The following SLC2A12 variants were observed in gnomAD, a reference collection of about 807,000 sequenced individuals.
SLC2A12 encodes the protein solute carrier family 2, facilitated glucose transporter member 12.
Under a neutral mutation model 41.8 loss-of-function variants are expected in SLC2A12, and 23 were observed. The ratio of observed to expected loss-of-function variants is 0.55; its 90% confidence interval spans 0.40 to 0.78. SLC2A12 has a LOEUF of 0.78. SLC2A12 is among the 30% of genes least tolerant of loss of function. The pLI is 0.00. For missense variants in SLC2A12, 654 were observed against 745.6 expected (o/e 0.88, Z 1.43); for synonymous variants, 295 against 285.9 (o/e 1.03, Z -0.32).
At chr6:134,031,076 T>C (rs1777198556) in intron 1 of SLC2A12, among the ~76,000 whole-genome samples, 1 of 152,052 alleles carries the variant, frequency 6.6e-6, no homozygotes, top group Non-Finnish European at 1.5e-5. Context: ...ATTCAAGACT[T>C]ATTTTGGAGC....
chr6:133,995,980 C>A (rs929097324), intron 4 of SLC2A12, among the ~76,000 whole-genome samples: 2 of 152,186 alleles, frequency 1.3e-5, no homozygotes, highest in Non-Finnish European at 2.9e-5. Flanking sequence ...CAGGTTTTAT[C>A]TTAAATGTTA....
In SLC2A12 at chr6:134,002,025, C is replaced by A; in HGVS notation, c.1672G>T (p.Glu558Ter). 6.2e-7 allele frequency: 1 copy of A among 1,608,042 alleles called. No individual in the cohort carries two copies. ...FIPETKGCSL[E>*]QISMELAKVN... ...TTTGCTAGCTCCATTGATATTTGTT[C>A]CAAAGAGCATCCCTTTGTCTCAGGT... The change falls in exon 4 of 5, where the codon GAA becomes TAA. Residue 558 changes from glutamate (E) to a stop codon, truncating the protein, a stop_gained. Transcript: ENST00000275230. LOFTEE classifies it high-confidence loss of function.
At chr6:134,006,209 G>C (rs1290479662) in intron 3 of SLC2A12, among the ~76,000 whole-genome samples, 1 of 126,682 alleles carries the variant, frequency 7.9e-6, no homozygotes, top group Non-Finnish European at 1.7e-5. Flanking sequence ...AAAAAACAGA[G>C]AAACAGAGAG....
intron 4 of SLC2A12, among the ~76,000 whole-genome samples, chr6:133,993,679 G>T (rs1776650748): frequency 6.6e-6 from 1 of 152,212 alleles, no homozygotes. Flanking sequence ...TGGAAAGTGG[G>T]TGCAGAGTTG....
Position 133,987,603 on chromosome 6 carries a change from G to GGCTAAAGAAGCTAAA in SLC2A12, c.*3551_*3552insTTTAGCTTCTTTAGC, listed in dbSNP as rs1776551430. On this transcript the variant is annotated 3_prime_UTR_variant, in exon 5 of 5. Transcript: ENST00000275230. ...CTTAAGACTTTGGCTAAAGTGTGTTGGCTTCTTTTTGAAGTGTATTTTGTG... is the reference window on the plus strand; with the variant it reads ...CTTAAGACTTTGGCTAAAGTGTGTTGGCTAAAGAAGCTAAAGCTTCTTTTTGAAGTGTATTTTGTG... 1 of 142,464 alleles carries GGCTAAAGAAGCTAAA rather than the reference G, an allele frequency of 7.0e-6. No individual in the cohort carries two copies. Among genetic ancestry groups the GGCTAAAGAAGCTAAA allele is most frequent in the Non-Finnish European group, 1.5e-5 (1 of 64,586 alleles). The allele number at this position is 142,464 out of a possible 1,614,324, so 8.8% of individuals were successfully genotyped here.
intron 2 of SLC2A12, among the ~76,000 whole-genome samples, chr6:134,023,009 G>C (rs1257581341): frequency 1.3e-5 from 2 of 152,158 alleles, no homozygotes; most frequent in Non-Finnish European, 2.9e-5. Context: ...TTTGGTCTTT[G>C]TAACCTTTGG....
At chr6:134,015,348 T>C (rs1415382121) in intron 2 of SLC2A12, among the ~76,000 whole-genome samples, 4 of 152,082 alleles carry the variant, frequency 2.6e-5, no homozygotes, top group East Asian at 3.9e-4. Flanking sequence ...TCAGGAAGAA[T>C]AGCAAATGGA....
At chr6:134,014,401 C>T (rs1277659865) in intron 2 of SLC2A12, among the ~76,000 whole-genome samples, 1 of 152,084 alleles carries the variant, frequency 6.6e-6, no homozygotes, top group Non-Finnish European at 1.5e-5. Context: ...ACCCCTACCC[C>T]GGAGCATGCA....
intron 3 of SLC2A12, among the ~76,000 whole-genome samples, chr6:134,005,046 T>A (rs926580981): frequency 6.6e-6 from 1 of 152,238 alleles, no homozygotes; most frequent in African/African-American, 2.4e-5. Flanking sequence ...ATTTTAGCTC[T>A]ATCATTCTTT....
At chr6:134,019,298 C>T (rs1401142545) in intron 2 of SLC2A12, among the ~76,000 whole-genome samples, 2 of 152,184 alleles carry the variant, frequency 1.3e-5, no homozygotes, top group Admixed American at 6.5e-5. Context: ...CAGATGAACT[C>T]ATGAAATAAT....
chr6:134,038,100 T>C (rs1470171139), intron 1 of SLC2A12, among the ~76,000 whole-genome samples: 1 of 152,198 alleles, frequency 6.6e-6, no homozygotes, highest in Non-Finnish European at 1.5e-5. Flanking sequence ...CCTATTATTA[T>C]TTGAATTTTC....
chr6:134,003,955 A>T (rs1425395337), intron 3 of SLC2A12, among the ~76,000 whole-genome samples: 2 of 152,212 alleles, frequency 1.3e-5, no homozygotes, highest in Non-Finnish European at 2.9e-5. Flanking sequence ...ACACTTGGAA[A>T]ATTTATTTTT....
intron 1 of SLC2A12, among the ~76,000 whole-genome samples, chr6:134,036,609 A>G (rs1777303675): frequency 6.6e-6 from 1 of 152,200 alleles, no homozygotes; most frequent in Admixed American, 6.5e-5. Context: ...GGCACAAAGT[A>G]AATACTCAAT....
intron 1 of SLC2A12, 79 bp downstream of exon 1, chr6:134,052,299 G>T: frequency 3.6e-6 from 2 of 550,818 alleles, no homozygotes; most frequent in African/African-American, 2.9e-5. Flanking sequence ...ACACACACGG[G>T]ACTCAAGAGA....
intron 2 of SLC2A12, among the ~76,000 whole-genome samples, chr6:134,024,793 G>T (rs1418615292): frequency 1.3e-5 from 2 of 152,148 alleles, no homozygotes; most frequent in African/African-American, 4.8e-5. Context: ...TAGACTTCAG[G>T]TGTCTGACCC....
At chr6:134,009,667 TAAATA>T (rs77349912) in intron 2 of SLC2A12, among the ~76,000 whole-genome samples, 80 of 148,822 alleles carry the variant, frequency 5.4e-4, no homozygotes, top group Non-Finnish European at 8.5e-4. Context: ...CTTAAAATAA[TAAATA>T]AAATAAAATA....
chr6:134,049,805 A>G (rs1259959195), intron 1 of SLC2A12, among the ~76,000 whole-genome samples: 1 of 152,214 alleles, frequency 6.6e-6, no homozygotes, highest in East Asian at 1.9e-4. Context: ...ACTGTGCACA[A>G]TAGCATCAAG....
At chr6:134,040,102 G>A (rs1777362913) in intron 1 of SLC2A12, among the ~76,000 whole-genome samples, 1 of 148,996 alleles carries the variant, frequency 6.7e-6, no homozygotes, top group South Asian at 2.1e-4. Context: ...TTTGAGACAG[G>A]GTCTCACTCT....
At chr6:134,033,224 A>G (rs988722272) in intron 1 of SLC2A12, among the ~76,000 whole-genome samples, 6 of 152,110 alleles carry the variant, frequency 3.9e-5, no homozygotes, top group African/African-American at 1.4e-4. Flanking sequence ...TGGGGCCAAA[A>G]AACTTAACAT....
Sources: gnomAD v4.1 joint callset for allele counts (sites outside exome capture counted in the v4.1 genomes callset) on GRCh38, gnomAD v4.1.1 for gene constraint, MANE v1.5 for transcripts, NCBI Gene and HGNC (gene_info 2026-07-23, HGNC 2026-07-21) for gene names.